EPHB1: variants seen among roughly 807,000 people sequenced by gnomAD.
The protein encoded by EPHB1 is ephrin type-B receptor 1.
EPHB1 carries 30 observed loss-of-function variants against 94.4 expected under a neutral mutation model. The ratio of observed to expected loss-of-function variants is 0.32; its 90% CI spans 0.24 to 0.43. EPHB1 has a LOEUF of 0.43. Among genes scored for constraint, EPHB1 ranks in the 20% least tolerant of loss-of-function variants. EPHB1 has a pLI of 1.00. For missense variants in EPHB1, 1,055 were observed against 1,308.3 expected, an observed-to-expected ratio of 0.81 and a Z score of 2.99; for synonymous variants, 522 against 489.1, an observed-to-expected ratio of 1.07 and a Z score of -0.89.
At chr3:134,945,574 C>T (rs761397220) in intron 2 of EPHB1, among the ~76,000 whole-genome samples, 1 of 152,178 alleles carries the variant, frequency 6.6e-6, no homozygotes, top group Non-Finnish European at 1.5e-5. Context: ...AAGATTTCAC[C>T]AGTTTATACT....
At chr3:134,922,165 A>T (rs147651086) in intron 1 of EPHB1, among the ~76,000 whole-genome samples, 1 of 152,254 alleles carries the variant, frequency 6.6e-6, no homozygotes, top group Non-Finnish European at 1.5e-5. Context: ...TGAGAGCAGA[A>T]GTGATGGTAA....
intron 3 of EPHB1, among the ~76,000 whole-genome samples, chr3:135,031,032 C>T (rs979524001): frequency 6.6e-6 from 1 of 152,178 alleles, no homozygotes; most frequent in African/African-American, 2.4e-5. Context: ...AAGGGAACTC[C>T]CTGACCCCTT....
intron 1 of EPHB1, among the ~76,000 whole-genome samples, chr3:134,884,195 T>A (rs1053237082): frequency 1.3e-5 from 2 of 152,200 alleles, no homozygotes; most frequent in Admixed American, 6.5e-5. Context: ...CACCACTGGC[T>A]GAGTCCCATG....
chr3:134,971,917 T>A (rs1397898577), intron 3 of EPHB1, among the ~76,000 whole-genome samples: 1 of 152,220 alleles, frequency 6.6e-6, no homozygotes, highest in East Asian at 1.9e-4. Flanking sequence ...GAGGAGCTGC[T>A]GATTTTTAGT....
chr3:134,831,848 T>C (rs1389396759), intron 1 of EPHB1, among the ~76,000 whole-genome samples: 3 of 152,204 alleles, frequency 2.0e-5, no homozygotes, highest in Non-Finnish European at 4.4e-5. Context: ...TTCAACCCTA[T>C]TGAGGGAGAA....
chr3:135,189,552 C>T (rs1057330530), intron 10 of EPHB1, among the ~76,000 whole-genome samples: 1 of 152,238 alleles, frequency 6.6e-6, no homozygotes, highest in Non-Finnish European at 1.5e-5. Context: ...GCACCGTGCT[C>T]TGCAAATTAT....
intron 1 of EPHB1, among the ~76,000 whole-genome samples, chr3:134,803,186 A>G (rs2035967190): frequency 6.6e-6 from 1 of 152,194 alleles, no homozygotes. Context: ...TTCTGCCCAC[A>G]GATTGCACCT....
chr3:135,007,018 C>G (rs1198006558), intron 3 of EPHB1, among the ~76,000 whole-genome samples: 1 of 152,132 alleles, frequency 6.6e-6, no homozygotes, highest in African/African-American at 2.4e-5. Context: ...TCAGGAGTCA[C>G]TTTGGTTCCA....
At chr3:135,109,149 GA>G (rs1031277748) in intron 4 of EPHB1, among the ~76,000 whole-genome samples, 13 of 152,218 alleles carry the variant, frequency 8.5e-5, no homozygotes, top group African/African-American at 3.1e-4. Flanking sequence ...GCACTGCCCA[GA>G]AGCCCTCAGT....
chr3:135,254,875 T>C (rs1488374979), intron 15 of EPHB1, among the ~76,000 whole-genome samples: 1 of 152,198 alleles, frequency 6.6e-6, no homozygotes, highest in Non-Finnish European at 1.5e-5. Context: ...AAGCTATTGA[T>C]TATTGCCACA....
chr3:134,994,315 C>A (rs993785570), intron 3 of EPHB1, among the ~76,000 whole-genome samples: 8 of 152,098 alleles, frequency 5.3e-5, no homozygotes, highest in Admixed American at 2.6e-4. Context: ...AAAAGTTGGA[C>A]CCTCCCAGGG....
chr3:134,907,660 C>G (rs950671111), intron 1 of EPHB1, among the ~76,000 whole-genome samples: 2 of 151,888 alleles, frequency 1.3e-5, no homozygotes, highest in African/African-American at 4.8e-5. Flanking sequence ...CCTGCCCGCC[C>G]CCTCCCCACC....
At chr3:135,222,121 AG>A (rs145512730) in intron 12 of EPHB1, among the ~76,000 whole-genome samples, 9,532 of 152,314 alleles carry the variant, frequency 0.063, 438 homozygotes, top group South Asian at 0.13. Flanking sequence ...ATATTATTGT[AG>A]TAACCTAAGT....
chr3:135,101,215 C>T (rs1000202609), intron 3 of EPHB1, among the ~76,000 whole-genome samples: 3 of 152,134 alleles, frequency 2.0e-5, no homozygotes, highest in Non-Finnish European at 1.5e-5. Context: ...TGGAACTCTC[C>T]CCTGCAAAGT....
intron 1 of EPHB1, among the ~76,000 whole-genome samples, chr3:134,808,550 G>A (rs1335971946): frequency 6.6e-6 from 1 of 152,122 alleles, no homozygotes; most frequent in African/African-American, 2.4e-5. Context: ...TCCTGGGACA[G>A]CTAAATTATG....
intron 1 of EPHB1, among the ~76,000 whole-genome samples, chr3:134,835,648 C>G (rs1467446084): frequency 6.6e-6 from 1 of 152,186 alleles, no homozygotes; most frequent in East Asian, 1.9e-4. Flanking sequence ...ATTCCAGCAT[C>G]TGATTTATCA....
intron 4 of EPHB1, among the ~76,000 whole-genome samples, chr3:135,115,324 G>A (rs1013534862): frequency 8.5e-5 from 13 of 152,148 alleles, no homozygotes; most frequent in Non-Finnish European, 1.2e-4. Context: ...AATGGATGCC[G>A]GAACTTAATT....
At chr3:134,930,333 A>G (rs941938714) in intron 2 of EPHB1, among the ~76,000 whole-genome samples, 37 of 152,392 alleles carry the variant, frequency 2.4e-4, no homozygotes, top group Middle Eastern at 3.4e-3. Context: ...ATGCTGCTTT[A>G]TAATCTATTG....
chr3:134,796,626 G>A, intron 1 of EPHB1, among the ~76,000 whole-genome samples: 1 of 145,064 alleles, frequency 6.9e-6, no homozygotes, highest in Non-Finnish European at 1.5e-5. Flanking sequence ...CCAGCTCCCC[G>A]CCTCCCGCCC....
Sources: gnomAD v4.1 joint callset for allele counts (sites outside exome capture counted in the v4.1 genomes callset) on GRCh38, gnomAD v4.1.1 for gene constraint, MANE v1.5 for transcripts, NCBI Gene and HGNC (gene_info 2026-07-23, HGNC 2026-07-21) for gene names.